The following UBR3 variants were observed in gnomAD, a reference collection of about 807,000 sequenced individuals.
UBR3 encodes E3 ubiquitin-protein ligase UBR3.
Under a neutral mutation model 243.2 loss-of-function variants are expected in UBR3, and 85 were observed. That is an observed-to-expected ratio of 0.35 (90% CI 0.29 to 0.42). The LOEUF (loss-of-function observed/expected upper bound fraction) is 0.42, where lower values mean the gene tolerates loss of function less well. UBR3 is among the 10% of genes least tolerant of loss of function. UBR3 has a pLI of 1.00. For synonymous variants in UBR3, 748 were observed against 799.8 expected, an observed-to-expected ratio of 0.94 and a Z score of 1.09; for missense variants, 1,686 against 2,300.8, an observed-to-expected ratio of 0.73 and a Z score of 5.47.
At chr2:169,836,232 C>T (rs186869286) in intron 1 of UBR3, among the ~76,000 whole-genome samples, 2 of 150,156 alleles carry the variant, frequency 1.3e-5, no homozygotes, top group Non-Finnish European at 3.0e-5. Context: ...TACAGGCGGC[C>T]GCCACCATGC....
intron 24 of UBR3, among the ~76,000 whole-genome samples, chr2:169,983,253 T>C (rs1170587609): frequency 3.7e-4 from 3 of 8,212 alleles, no homozygotes; most frequent in African/African-American, 7.2e-4. Flanking sequence ...TTCTCTCTCC[T>C]TTTTTTTTTT....
At chr2:170,044,090 G>A (rs2091028349) in intron 32 of UBR3, among the ~76,000 whole-genome samples, 1 of 151,980 alleles carries the variant, frequency 6.6e-6, no homozygotes. Flanking sequence ...GTGGAGAGTT[G>A]GGGAGATAAG....
At position 169,872,286 on chromosome 2, in the gene UBR3, C is replaced by T. The variant is rs1486949983; in HGVS notation, c.596C>T (p.Pro199Leu). 1.9e-6 allele frequency: 3 copies of T among 1,539,822 alleles called. No individual in the cohort carries two copies. The highest frequency in any genetic ancestry group is 2.6e-6 in the Non-Finnish European group (3 of 1,140,650). ...IKSSSNIPCV[P>L]KDLLMMSEFV... is the part of the protein sequence containing the mutation. The stretch of plus-strand genomic sequence containing the variant: ...TCAAGTTCAAATATTCCCTGTGTCC[C>T]TAAAGACTTACTGATGATGTCTGAA... Residue 199 changes from proline (P) to leucine (L), a missense_variant, in exon 2 of 39, where the codon CCT (proline) becomes CTT (leucine). Pro to Leu is a moderately conservative substitution (Grantham distance 98). Transcript: ENST00000272793.
chr2:169,928,894 C>T, intron 18 of UBR3, 26 bp downstream of exon 18: 1 of 1,353,076 alleles, frequency 7.4e-7, no homozygotes, highest in Non-Finnish European at 9.7e-7. Flanking sequence ...TAAATGGACT[C>T]TTTCAAATAT....
intron 24 of UBR3, chr2:169,964,427 A>C (rs1203576215): frequency 2.1e-6 from 1 of 470,542 alleles, no homozygotes; most frequent in Non-Finnish European, 4.4e-6. Context: ...TGAGGAATCA[A>C]TTAAGCAACG....
In UBR3 at chr2:169,875,889, A is replaced by C; in HGVS notation, c.784A>C (p.Met262Leu). ...LEDLTKMGGA[M>L]RSVLTQVLTN... ...AGACCTGACTAAAATGGGAGGAGCA[A>C]TGCGGTCTGTTCTTACTCAGGTTTT... The change falls in exon 3 of 39, where the codon ATG (methionine) becomes CTG (leucine). Residue 262 changes from methionine to leucine, a missense_variant. Physicochemically the swap from Met to Leu is conservative, Grantham distance 15. Around this residue, in one of 8 missense-constraint regions of UBR3, gnomAD observed 200 missense variants for 231.6 expected, o/e 0.86. Transcript: ENST00000272793. 3 of 1,550,028 alleles carry C rather than the reference A, an allele frequency of 1.9e-6. No homozygotes were observed. The highest frequency in any genetic ancestry group is 2.6e-6 in the Non-Finnish European group (3 of 1,146,148).
Position 169,928,737 on chromosome 2 carries a change from A to G in UBR3, c.2435A>G (p.Asn812Ser). ...TGACATATATATCATATTCCAGAAAATCCTAATCCCAAAAGTGGCATTATT... is the reference window on the plus strand; with the variant it reads ...TGACATATATATCATATTCCAGAAAGTCCTAATCCCAAAAGTGGCATTATT... ...HSSLLDLIPE[N>S]PNPKSGIIPG... Residue 812 changes from asparagine to serine, a missense_variant, in exon 18 of 39, where the codon AAT (asparagine) becomes AGT (serine). Transcript: ENST00000272793. 1 of 1,487,024 alleles carries G rather than the reference A, an allele frequency of 6.7e-7. No homozygotes were observed. Among genetic ancestry groups the G allele is most frequent in the Non-Finnish European group, 9.1e-7 (1 of 1,101,752 alleles). The allele number at this position is 1,487,024 out of a possible 1,614,324, so 92.1% of individuals were successfully genotyped here.
chr2:170,072,884 G>C (rs1236423067), intron 35 of UBR3, among the ~76,000 whole-genome samples: 1 of 152,064 alleles, frequency 6.6e-6, no homozygotes, highest in Non-Finnish European at 1.5e-5. Flanking sequence ...TGAATTCTTG[G>C]TCACTGATAT....
At chr2:169,973,701 C>G (rs924763303) in intron 24 of UBR3, among the ~76,000 whole-genome samples, 1 of 152,162 alleles carries the variant, frequency 6.6e-6, no homozygotes, top group Admixed American at 6.6e-5. Context: ...ATTTCTCTTG[C>G]CTAAATGCTC....
At chr2:169,878,896 C>T (rs934421898) in intron 5 of UBR3, among the ~76,000 whole-genome samples, 72 of 152,070 alleles carry the variant, frequency 4.7e-4, no homozygotes, top group Non-Finnish European at 5.9e-5. Context: ...CAAATTTACC[C>T]GTATAGTTGT....
intron 1 of UBR3, among the ~76,000 whole-genome samples, chr2:169,857,066 T>TGTG (rs2082904667): frequency 1.5e-5 from 1 of 67,138 alleles, no homozygotes; most frequent in Non-Finnish European, 2.5e-5. Flanking sequence ...TTTATTATGT[T>TGTG]TTTTTTTTTT....
chr2:169,967,931 C>T (rs1315192652), intron 24 of UBR3, among the ~76,000 whole-genome samples: 1 of 151,410 alleles, frequency 6.6e-6, no homozygotes, highest in Non-Finnish European at 1.5e-5. Context: ...CCTAGAGTCC[C>T]TTTCTTAGGT....
At chr2:169,892,698 G>T (rs1359757509) in intron 6 of UBR3, among the ~76,000 whole-genome samples, 1 of 152,168 alleles carries the variant, frequency 6.6e-6, no homozygotes, top group African/African-American at 2.4e-5. Context: ...TCTGAAGTTT[G>T]GGGAATGGCT....
chr2:169,986,163 G>A (rs1054825439), intron 24 of UBR3, among the ~76,000 whole-genome samples: 47 of 152,154 alleles, frequency 3.1e-4, no homozygotes, highest in Admixed American at 2.4e-3. Context: ...CTATTTCTGA[G>A]ATATAATCAC....
rs544639840 is a variant in UBR3, at chr2:169,861,582, G to C, written c.546-10654G>C. Among the ~76,000 whole-genome samples the C allele has an allele frequency of 1.1e-4, 16 of 150,054 alleles. No individual in the cohort carries two copies. In the South Asian group the frequency reaches 3.4e-3, roughly 32 times the overall value. On this transcript the variant is annotated intron_variant, in intron 1 of 38. Transcript: ENST00000272793. The stretch of plus-strand genomic sequence containing the variant: ...AGATCGCGCCACTGCACTCCAGCCT[G>C]GGTGACAGAGCAAGACTCTGTCTCA...
chr2:170,046,267 T>C (rs1010975749), intron 32 of UBR3, among the ~76,000 whole-genome samples: 2 of 152,186 alleles, frequency 1.3e-5, no homozygotes, highest in Non-Finnish European at 2.9e-5. Flanking sequence ...GCCCAGCCTG[T>C]AAATTATTTT....
chr2:169,898,699 C>T (rs1290658158), intron 8 of UBR3, among the ~76,000 whole-genome samples: 11 of 134,522 alleles, frequency 8.2e-5, no homozygotes, highest in Non-Finnish European at 1.4e-4. Context: ...GATGGAGTTT[C>T]ACTCTTTTTT....
chr2:169,896,922 A>C (rs1041563418), intron 8 of UBR3, among the ~76,000 whole-genome samples, 187 bp downstream of exon 8: 17 of 152,282 alleles, frequency 1.1e-4, no homozygotes, highest in African/African-American at 4.1e-4. Context: ...ATTATAAAAT[A>C]ATACATGTTT....
chr2:169,977,693 C>T (rs2088519094), intron 24 of UBR3, among the ~76,000 whole-genome samples: 2 of 152,178 alleles, frequency 1.3e-5, no homozygotes. Flanking sequence ...TGCTCGCCCA[C>T]AATGATGGCA....
Sources: gnomAD v4.1 joint callset for allele counts (sites outside exome capture counted in the v4.1 genomes callset) on GRCh38, gnomAD v4.1.1 for gene constraint, gnomAD v4.1.1 regional missense constraint, MANE v1.5 for transcripts, NCBI Gene and HGNC (gene_info 2026-07-23, HGNC 2026-07-21) for gene names.